Variants in KHSRP observed in about 807,000 individuals in gnomAD.
The protein encoded by KHSRP is KH-type splicing regulatory protein, also known as far upstream element-binding protein 2.
Under a neutral mutation model 94.9 loss-of-function variants are expected in KHSRP, and 13 were observed. That is an observed-to-expected ratio of 0.14 (90% confidence interval 0.09 to 0.22). KHSRP has a LOEUF of 0.22. Among genes scored for constraint, KHSRP ranks in the 10% least tolerant of loss-of-function variants. The pLI is 1.00. For synonymous variants in KHSRP, 495 were observed against 401.4 expected (o/e 1.23, Z -2.79); for missense variants, 710 against 1,010.0 (o/e 0.70, Z 4.03).
rs1453482140 is a variant in KHSRP, at chr19:6,415,638, GCGGGGCCGGGGA to G, written c.1772_1783del (p.Val591_Pro594del). 1.3e-5 allele frequency: 20 copies of G among 1,532,200 alleles called. No homozygotes were observed. Among genetic ancestry groups the G allele is most frequent in the South Asian group, 3.7e-5 (3 of 81,988 alleles). 94.9% of individuals were successfully genotyped at this position (1,532,200 alleles called of 1,614,324 possible). On this transcript the variant is annotated inframe_deletion, in exon 17 of 19. Transcript: ENST00000600480. ...AGCCGGTGGGGCCGCAGGGGCCGGT[GCGGGGCCGGGGA>G]CGGGGCCCGGGGGCTGCTGGTAGTA...
chr19:6,414,910 A>G lies in KHSRP; in HGVS notation c.*114T>C, dbSNP rs2092131583. Reference sequence around the variant, plus strand: ...CATCACGACAGCGGCACACAGGAACAAGCAGCCGGCGCAGGGAGGCCTCTT... The same window carrying G: ...CATCACGACAGCGGCACACAGGAACGAGCAGCCGGCGCAGGGAGGCCTCTT... On this transcript the variant is annotated 3_prime_UTR_variant, in exon 19 of 19. Transcript: ENST00000600480. The G allele has an allele frequency of 1.4e-6, 2 of 1,390,928 alleles. No homozygotes were observed. Among genetic ancestry groups the G allele is most frequent in the Admixed American group, 6.6e-5 (2 of 30,318 alleles). The allele number at this position is 1,390,928 out of a possible 1,614,324, so 86.2% of individuals were successfully genotyped here.
Position 6,414,344 on chromosome 19 carries a change from A to C in KHSRP, c.*680T>G. 7.2e-7 allele frequency: 1 copy of C among 1,387,856 alleles called. No individual in the cohort carries two copies. The highest frequency in any genetic ancestry group is 1.5e-5 in the African/African-American group (1 of 68,594). The allele number at this position is 1,387,856 out of a possible 1,614,324, so 86.0% of individuals were successfully genotyped here. A position where few individuals can be genotyped will look rare whatever the true frequency, so the allele number is the denominator to read the frequency against. On this transcript the variant is annotated 3_prime_UTR_variant, in exon 19 of 19. Coordinates refer to ENST00000600480, the MANE Select transcript of KHSRP (RefSeq NM_001366299.1). ...CTCCCTGATGGAGAAGGAGGGACAG[A>C]GCAGGAAGAGAGGAGAGGGGCCGCG...
At position 6,419,935 on chromosome 19, in the gene KHSRP, G is replaced by T. The variant is rs143141802; in HGVS notation, c.547+138C>A. The T allele has an allele frequency of 7.3e-6, 5 of 686,316 alleles. No homozygotes were observed. The East Asian group carries it at 1.3e-4, about 18-fold the overall frequency. The allele number at this position is 686,316 out of a possible 1,614,324, so 42.5% of individuals were successfully genotyped here. A position where few individuals can be genotyped will look rare whatever the true frequency, so the allele number is the denominator to read the frequency against. ...TACTAGTGGAGTGAGATACTGCACT[G>T]AGCCTGGTCCGTAGTAAGCACCAAC... On this transcript the variant is annotated intron_variant, in intron 6 of 18. Transcript: ENST00000600480.
rs184280448 is a variant in KHSRP at position 6,420,485 on chromosome 19, C to T, written c.426-14G>A. The T allele has an allele frequency of 3.2e-4, 519 of 1,613,612 alleles. 2 individuals carry two copies. In the African/African-American group the frequency reaches 6.1e-3, roughly 19 times the overall value. ...GTCATTGAAGTCCTGTAAAGAGACA[C>T]GCCAAAGGTCAGTCCTCAAGTGGGA... On this transcript the variant is annotated splice_polypyrimidine_tract_variant and intron_variant, in intron 4 of 18. Coordinates refer to ENST00000600480, the MANE Select transcript of KHSRP (RefSeq NM_001366299.1).
rs902634358 is a variant in KHSRP at position 6,413,413 on chromosome 19, A to T, written c.*1611T>A. On this transcript the variant is annotated 3_prime_UTR_variant, in exon 19 of 19. Coordinates refer to ENST00000600480, the MANE Select transcript of KHSRP (RefSeq NM_001366299.1). ...GATAAAAAGTAAAAACTGCCATACAATTTTTTTTGTTGTTCTCATTTTGTT... is the reference window on the plus strand; with the variant it reads ...GATAAAAAGTAAAAACTGCCATACATTTTTTTTTGTTGTTCTCATTTTGTT... 5 of 405,906 alleles carry T rather than the reference A, an allele frequency of 1.2e-5. No individual in the cohort carries two copies. Among genetic ancestry groups the T allele is most frequent in the Non-Finnish European group, 1.9e-5 (4 of 207,168 alleles). The allele number at this position is 405,906 out of a possible 1,614,324, so 25.1% of individuals were successfully genotyped here. A position where few individuals can be genotyped will look rare whatever the true frequency, so the allele number is the denominator to read the frequency against.
In KHSRP at chr19:6,418,440, G is replaced by C. The variant is rs767654510; in HGVS notation, c.879+43C>G. 6.9e-7 allele frequency: 1 copy of C among 1,457,812 alleles called. No individual in the cohort carries two copies. The highest frequency in any genetic ancestry group is 1.4e-5 in the African/African-American group (1 of 71,662). 90.3% of individuals were successfully genotyped at this position (1,457,812 alleles called of 1,614,324 possible). ...GACCGCTGGCCCTGCCCACCTGCCC[G>C]TGCCTCTCCAGAACCCCCTCCACCA... is the stretch of plus-strand genomic sequence containing the variant. On this transcript the variant is annotated intron_variant, in intron 9 of 18. Coordinates refer to ENST00000600480, the MANE Select transcript of KHSRP (RefSeq NM_001366299.1). The surrounding 1 kb of genome is among the most constrained non-coding windows in gnomAD (Gnocchi z 4.3).
chr19:6,421,460 C>T lies in KHSRP; in HGVS notation c.386-143G>A, dbSNP rs556261879. Reference sequence around the variant, plus strand: ...GCCTCATGGATGCTGTGGATTCCTCCCCATAAAAGCACAGAGCTCATCTCC... The same window carrying T: ...GCCTCATGGATGCTGTGGATTCCTCTCCATAAAAGCACAGAGCTCATCTCC... On this transcript the variant is annotated intron_variant, in intron 3 of 18. Coordinates refer to ENST00000600480, the MANE Select transcript of KHSRP (RefSeq NM_001366299.1). The T allele has an allele frequency of 1.8e-4, 185 of 1,004,934 alleles. 1 individual carries two copies. The South Asian group carries it at 2.7e-3, about 14-fold the overall frequency. 62.3% of individuals were successfully genotyped at this position (1,004,934 alleles called of 1,614,324 possible).
In KHSRP at chr19:6,415,193, G is replaced by A. The variant is rs2092134312; in HGVS notation, c.2075C>T (p.Thr692Ile). 1 of 1,611,498 alleles carries A rather than the reference G, an allele frequency of 6.2e-7. No individual in the cohort carries two copies. Among genetic ancestry groups the A allele is most frequent in the Non-Finnish European group, 8.5e-7 (1 of 1,179,762 alleles). The change falls in exon 19 of 19, where the codon ACC becomes ATC. Residue 692 changes from threonine (T) to isoleucine (I), a missense_variant. Around this residue, in one of 5 missense-constraint regions of KHSRP, gnomAD observed 292 missense variants for 340.5 expected, o/e 0.86. Transcript: ENST00000600480. Reference sequence around the variant, plus strand: ...CGGCTGGGGGCCGCCAGGACCTGGGGTCTGTCCGTAGTAAGCGGCCTGCTG... The same window carrying A: ...CGGCTGGGGGCCGCCAGGACCTGGGATCTGTCCGTAGTAAGCGGCCTGCTG... Reference protein sequence around the residue: ...YRQQAAYYGQTPGPGGPQPPP... With the variant: ...YRQQAAYYGQIPGPGGPQPPP...
Position 6,418,889 on chromosome 19 carries a change from G to GGAGCGGGGGAT in KHSRP, c.606-24_606-14dup. 2 of 1,535,372 alleles carry GGAGCGGGGGAT rather than the reference G, an allele frequency of 1.3e-6. No individual in the cohort carries two copies. The highest frequency in any genetic ancestry group is 1.7e-6 in the Non-Finnish European group (2 of 1,147,162). ...CATCTTGGCTTTCCTGGGAAGGGGA[G>GGAGCGGGGGAT]GAGCGGGGGATGAGCGGGTGCCACC... On this transcript the variant is annotated splice_polypyrimidine_tract_variant and intron_variant, in intron 7 of 18. Transcript: ENST00000600480. The surrounding 1 kb of genome is among the most constrained non-coding windows in gnomAD (Gnocchi z 4.3).
Position 6,418,127 on chromosome 19 carries a change from A to C in KHSRP, c.880-48T>G, listed in dbSNP as rs952514750. ...CCCCATGGGTGAGCCCTGCTGCCCC[A>C]CACCCCCCCACCTCCTCGGGGGTGC... On this transcript the variant is annotated intron_variant, in intron 9 of 18. Transcript: ENST00000600480. The surrounding 1 kb of genome is among the most constrained non-coding windows in gnomAD (Gnocchi z 4.3). The C allele has an allele frequency of 6.5e-7, 1 of 1,540,142 alleles. No individual in the cohort carries two copies. Among genetic ancestry groups the C allele is most frequent in the East Asian group, 2.3e-5 (1 of 44,250 alleles).
At chr19:6,421,170 G>A in intron 4 of KHSRP, 108 bp downstream of exon 4, 1 of 1,027,198 alleles carries the variant, frequency 9.7e-7, no homozygotes, top group Non-Finnish European at 1.5e-6. Context: ...GGCACTGGGG[G>A]ATAAAACCTG....
In KHSRP at chr19:6,415,515, C is replaced by A. The variant is rs565455491; in HGVS notation, c.1888+19G>T. The A allele has an allele frequency of 6.5e-5, 100 of 1,546,736 alleles. No homozygotes were observed. Among genetic ancestry groups the A allele is most frequent in the Non-Finnish European group, 8.6e-5 (98 of 1,145,108 alleles). ...TCCCCCGGCAGGGCTGGAGCCCCCCCGCCACCCTGCAGACTCACCGATCTT... is the reference window on the plus strand; with the variant it reads ...TCCCCCGGCAGGGCTGGAGCCCCCCAGCCACCCTGCAGACTCACCGATCTT... On this transcript the variant is annotated intron_variant, in intron 17 of 18. Transcript: ENST00000600480.
intron 18 of KHSRP, 39 bp from the exon 19 acceptor site, chr19:6,415,340 G>C (rs775092125): frequency 6.2e-7 from 1 of 1,613,022 alleles, no homozygotes; most frequent in African/African-American, 1.3e-5. Context: ...CTGTGGGTGA[G>C]GGCTGCCCCT....
Position 6,416,390 on chromosome 19 carries a change from A to G in KHSRP, c.1506T>C (p.Val502=). ...GGCCTGGGCCACCTGGGCCTGGTCC[A>G]ACTGGGCAGAGAGGACCCTAGAAGG... ...EEKIEGPLCP[V]GPGPGGPGPA... is the part of the protein sequence containing the mutation. Residue 502 remains valine, a synonymous_variant, in exon 15 of 19, where the codon GTT becomes GTC. Transcript: ENST00000600480. 6.2e-7 allele frequency: 1 copy of G among 1,613,384 alleles called. No homozygotes were observed. Among genetic ancestry groups the G allele is most frequent in the Non-Finnish European group, 8.5e-7 (1 of 1,179,700 alleles).
Position 6,415,450 on chromosome 19 carries a change from C to T in KHSRP, c.1896G>A (p.Gln632=), listed in dbSNP as rs1206122825. 6.4e-7 allele frequency: 1 copy of T among 1,564,762 alleles called. No homozygotes were observed. Among genetic ancestry groups the T allele is most frequent in the Non-Finnish European group, 8.7e-7 (1 of 1,154,760 alleles). ...WEEYYKKIGQ[Q]PQQPGAPPQQ... Reference sequence around the variant, plus strand: ...GTGGGGGTGCTCCGGGCTGCTGGGGCTGCTGGCCTGTGCGGGCGCCGAGAC... The same window carrying T: ...GTGGGGGTGCTCCGGGCTGCTGGGGTTGCTGGCCTGTGCGGGCGCCGAGAC... Residue 632 remains glutamine, a synonymous_variant, in exon 18 of 19, where the codon CAG becomes CAA. Transcript: ENST00000600480.
chr19:6,419,276 A>G lies in KHSRP; in HGVS notation c.548-16T>C. Reference sequence around the variant, plus strand: ...CCACCGCTGTCTGAAAAGAGGAGATAGAGTCAGTGCCCTCCCTGGCCCACA... The same window carrying G: ...CCACCGCTGTCTGAAAAGAGGAGATGGAGTCAGTGCCCTCCCTGGCCCACA... On this transcript the variant is annotated splice_polypyrimidine_tract_variant and intron_variant, in intron 6 of 18. Coordinates refer to ENST00000600480, the MANE Select transcript of KHSRP (RefSeq NM_001366299.1). 1.9e-6 allele frequency: 3 copies of G among 1,549,550 alleles called. No individual in the cohort carries two copies. Among genetic ancestry groups the G allele is most frequent in the Non-Finnish European group, 2.6e-6 (3 of 1,147,128 alleles).
chr19:6,424,618 T>G lies in KHSRP; in HGVS notation c.84A>C (p.Gly28=), dbSNP rs2092221444. ...GGGGGAGGAG[G]GPPPGPPGAG... Reference sequence around the variant, plus strand: ...CGCCTGGCGGGCCCGGCGGAGGGCCTCCCCCGGCGCCTCCGGCTCCCCCGC... The same window carrying G: ...CGCCTGGCGGGCCCGGCGGAGGGCCGCCCCCGGCGCCTCCGGCTCCCCCGC... The change falls in exon 1 of 19, where the codon GGA becomes GGC. Residue 28 remains glycine, a synonymous_variant. Transcript: ENST00000600480. The G allele has an allele frequency of 4.2e-6, 4 of 952,618 alleles. No individual in the cohort carries two copies. The highest frequency in any genetic ancestry group is 4.9e-5 in the South Asian group (1 of 20,472). 59.0% of individuals were successfully genotyped at this position (952,618 alleles called of 1,614,324 possible). A position where few individuals can be genotyped will look rare whatever the true frequency, so the allele number is the denominator to read the frequency against.
At position 6,424,626 on chromosome 19, in the gene KHSRP, C is replaced by T. The variant is rs1383876405; in HGVS notation, c.76G>A (p.Ala26Thr). 27 of 977,584 alleles carry T rather than the reference C, an allele frequency of 2.8e-5. No homozygotes were observed. The South Asian group carries it at 6.4e-4, about 23-fold the overall frequency. 60.6% of individuals were successfully genotyped at this position (977,584 alleles called of 1,614,324 possible). The change falls in exon 1 of 19, where the codon GCC (alanine) becomes ACC (threonine). Residue 26 changes from alanine (A) to threonine (T), a missense_variant. Around this residue, in one of 5 missense-constraint regions of KHSRP, gnomAD observed 92 missense variants for 80.8 expected, o/e 1.14. Transcript: ENST00000600480. ...PAGGGGGAGG[A>T]GGGPPPGPPG... is the part of the protein sequence containing the mutation. ...GGGCCCGGCGGAGGGCCTCCCCCGG[C>T]GCCTCCGGCTCCCCCGCCCCCGCCG...
Position 6,424,651 on chromosome 19 carries a change from G to C in KHSRP, c.51C>G (p.Ala17=), listed in dbSNP as rs1353478634. Residue 17 remains alanine (A), a synonymous_variant, in exon 1 of 19, where the codon GCC becomes GCG. Coordinates refer to ENST00000600480, the MANE Select transcript of KHSRP (RefSeq NM_001366299.1). ...GGPPPGPPPP[A]GGGGGAGGAG... Reference sequence around the variant, plus strand: ...CGCCTCCGGCTCCCCCGCCCCCGCCGGCGGGCGGCGGCGGCCCGGGCGGGG... The same window carrying C: ...CGCCTCCGGCTCCCCCGCCCCCGCCCGCGGGCGGCGGCGGCCCGGGCGGGG... The C allele has an allele frequency of 9.9e-7, 1 of 1,014,542 alleles. No individual in the cohort carries two copies. Among genetic ancestry groups the C allele is most frequent in the African/African-American group, 1.8e-5 (1 of 56,270 alleles). The allele number at this position is 1,014,542 out of a possible 1,614,324, so 62.8% of individuals were successfully genotyped here. A position where few individuals can be genotyped will look rare whatever the true frequency, so the allele number is the denominator to read the frequency against.
Sources: gnomAD v4.1 joint callset for allele counts on GRCh38, gnomAD v4.1.1 for gene constraint, gnomAD v4.1.1 regional missense constraint, Gnocchi (gnomAD v3.1) non-coding constraint, MANE v1.5 for transcripts, NCBI Gene and HGNC (gene_info 2026-07-23, HGNC 2026-07-21) for gene names.